Variants in NCAM2 observed in about 807,000 individuals in gnomAD.
The protein encoded by NCAM2 is N-CAM-2.
A neutral mutation model predicts 98.1 loss-of-function variants in NCAM2; 30 were observed. That is an observed-to-expected ratio of 0.31 (90% CI 0.23 to 0.41). NCAM2 has a LOEUF of 0.41. Ranked by LOEUF, NCAM2 falls within the 10% of genes least tolerant of loss-of-function variation. The probability of loss-of-function intolerance (pLI) is 1.00; values close to 1 mark genes in which losing one functional copy is unlikely to be tolerated. For missense variants in NCAM2, 867 were observed against 1,005.8 expected, an observed-to-expected ratio of 0.86 and a Z score of 1.87; for synonymous variants, 368 against 342.4, an observed-to-expected ratio of 1.07 and a Z score of -0.83.
At chr21:21,531,069 T>G (rs1421375765) in intron 16 of NCAM2, among the ~76,000 whole-genome samples, 5 of 152,136 alleles carry the variant, frequency 3.3e-5, no homozygotes, top group Non-Finnish European at 7.4e-5. Flanking sequence ...AGCTTGTTTC[T>G]TTTTTTGGTT....
chr21:21,356,915 C>T (rs967762385), intron 8 of NCAM2, among the ~76,000 whole-genome samples: 4 of 151,820 alleles, frequency 2.6e-5, no homozygotes, highest in Non-Finnish European at 1.5e-5. Context: ...GCTTGAATCC[C>T]GGAGGCGGAG....
intron 1 of NCAM2, among the ~76,000 whole-genome samples, chr21:21,224,610 C>A (rs1011401967): frequency 6.6e-6 from 1 of 151,960 alleles, no homozygotes; most frequent in Admixed American, 6.6e-5. Context: ...CATTAAATCC[C>A]AAATAAAATT....
intron 15 of NCAM2, among the ~76,000 whole-genome samples, chr21:21,504,199 A>C (rs568550534): frequency 1.8e-4 from 28 of 152,026 alleles, no homozygotes; most frequent in Non-Finnish European, 3.7e-4. Flanking sequence ...CCTGGAGTTA[A>C]TTAGTGATTC....
At chr21:21,307,166 T>C (rs1437547210) in intron 5 of NCAM2, among the ~76,000 whole-genome samples, 1 of 152,182 alleles carries the variant, frequency 6.6e-6, no homozygotes, top group Non-Finnish European at 1.5e-5. Context: ...TACATCTTGC[T>C]ATGTATTGTC....
intron 12 of NCAM2, among the ~76,000 whole-genome samples, chr21:21,457,804 G>C (rs1007691631): frequency 6.6e-6 from 1 of 152,120 alleles, no homozygotes; most frequent in Non-Finnish European, 1.5e-5. Context: ...TTATATTAAA[G>C]GGCTAGAGAA....
chr21:21,461,031 T>A (rs955845088), intron 12 of NCAM2, among the ~76,000 whole-genome samples: 1 of 151,906 alleles, frequency 6.6e-6, no homozygotes, highest in Non-Finnish European at 1.5e-5. Context: ...TTTAGCAATT[T>A]TCTGGTTATC....
chr21:21,537,946 A>T lies in NCAM2; in HGVS notation c.2503A>T (p.Ser835Cys). The T allele has an allele frequency of 6.5e-7, 1 of 1,541,448 alleles. No homozygotes were observed. ...CATCATTCAATCAAAAGAAGACGAC[A>T]GCAAAGCATAACAACAATATTACAG... is the stretch of plus-strand genomic sequence containing the variant. ...NDIIQSKEDD[S>C]KA Residue 835 changes from serine (S) to cysteine (C), a missense_variant, in exon 18 of 18, where the codon AGC becomes TGC. Ser to Cys is a moderately radical substitution (Grantham distance 112). Around this residue, in one of 5 missense-constraint regions of NCAM2, gnomAD observed 125 missense variants for 116.1 expected, o/e 1.08. Coordinates refer to ENST00000400546, the MANE Select transcript of NCAM2 (RefSeq NM_004540.5).
chr21:21,455,027 T>G (rs897226402), intron 12 of NCAM2, among the ~76,000 whole-genome samples: 4 of 151,874 alleles, frequency 2.6e-5, no homozygotes, highest in Non-Finnish European at 5.9e-5. Flanking sequence ...TTAGGATTAC[T>G]AATTTATTCT....
At chr21:21,097,555 A>G (rs962787612) in intron 1 of NCAM2, among the ~76,000 whole-genome samples, 1 of 151,738 alleles carries the variant, frequency 6.6e-6, no homozygotes, top group Non-Finnish European at 1.5e-5. Flanking sequence ...GCTATATTTT[A>G]TAACTGCATA....
chr21:21,162,740 G>T (rs1365916503), intron 1 of NCAM2, among the ~76,000 whole-genome samples: 2 of 152,064 alleles, frequency 1.3e-5, no homozygotes, highest in African/African-American at 4.8e-5. Flanking sequence ...ATGTATCATG[G>T]TTCAGACAAA....
At chr21:21,071,870 C>T (rs112289662) in intron 1 of NCAM2, among the ~76,000 whole-genome samples, 5,395 of 138,130 alleles carry the variant, frequency 0.039, 130 homozygotes, top group African/African-American at 0.1. Flanking sequence ...GTCATGTCTG[C>T]CTATCTATCT....
intron 8 of NCAM2, among the ~76,000 whole-genome samples, chr21:21,341,030 A>C (rs905923648): frequency 1.3e-5 from 2 of 151,792 alleles, no homozygotes; most frequent in African/African-American, 4.8e-5. Context: ...CCATATTACA[A>C]ATTTACAGTA....
chr21:21,044,573 A>G (rs1378027169), intron 1 of NCAM2, among the ~76,000 whole-genome samples: 1 of 152,204 alleles, frequency 6.6e-6, no homozygotes, highest in African/African-American at 2.4e-5. Context: ...AGATTTTTAG[A>G]TATATTAAAA....
At chr21:21,509,149 G>C in intron 16 of NCAM2, 94 bp downstream of exon 16, 4 of 1,217,948 alleles carry the variant, frequency 3.3e-6, no homozygotes, top group Middle Eastern at 5.5e-4. Context: ...TAAAGGAGTA[G>C]GGTAAAGAGT....
chr21:21,396,972 A>G (rs2076522438), intron 9 of NCAM2, among the ~76,000 whole-genome samples: 1 of 152,154 alleles, frequency 6.6e-6, no homozygotes, highest in African/African-American at 2.4e-5. Flanking sequence ...CATTCTGCAG[A>G]TCCTGAGTTC....
At chr21:21,331,512 T>A (rs2074684736) in intron 6 of NCAM2, among the ~76,000 whole-genome samples, 2 of 2,578 alleles carry the variant, frequency 7.8e-4, no homozygotes, top group African/African-American at 1.8e-3. Flanking sequence ...CTATACTCTC[T>A]CTCTCTATAT....
intron 1 of NCAM2, among the ~76,000 whole-genome samples, chr21:21,067,007 A>C (rs2146348135): frequency 6.6e-6 from 1 of 152,152 alleles, no homozygotes; most frequent in Non-Finnish European, 1.5e-5. Context: ...AATCATTAAA[A>C]ATATATGCGT....
chr21:21,103,169 A>G (rs1395415113), intron 1 of NCAM2, among the ~76,000 whole-genome samples: 4 of 152,048 alleles, frequency 2.6e-5, no homozygotes, highest in Non-Finnish European at 5.9e-5. Context: ...TGGGGGTGAA[A>G]TCTCCCAAGG....
At chr21:21,011,120 A>G (rs1448932964) in intron 1 of NCAM2, among the ~76,000 whole-genome samples, 1 of 151,710 alleles carries the variant, frequency 6.6e-6, no homozygotes. Context: ...AATTAATTGA[A>G]TGAAAGAAGG....
Sources: allele counts gnomAD v4.1 joint callset (sites outside exome capture counted in the v4.1 genomes callset), GRCh38; gene constraint gnomAD v4.1.1; regional missense constraint gnomAD v4.1.1; transcripts MANE v1.5; gene names NCBI Gene and HGNC (gene_info 2026-07-23, HGNC 2026-07-21).